The following GRID2 variants were observed in gnomAD, a reference collection of about 807,000 sequenced individuals.
The protein encoded by GRID2 is glutamate receptor ionotropic, delta-2.
Under a neutral mutation model 114.8 loss-of-function variants are expected in GRID2, and 33 were observed. The ratio of observed to expected loss-of-function variants is 0.29; its 90% CI spans 0.22 to 0.38. GRID2 has a LOEUF of 0.38. Ranked by LOEUF, GRID2 falls within the 10% of genes least tolerant of loss-of-function variation. The pLI is 1.00. For missense variants in GRID2, 1,184 were observed against 1,257.7 expected (o/e 0.94, Z 0.89); for synonymous variants, 505 against 449.9 (o/e 1.12, Z -1.55).
intron 4 of GRID2, among the ~76,000 whole-genome samples, chr4:93,128,683 G>C (rs1282816535): frequency 5.7e-5 from 8 of 140,928 alleles, no homozygotes; most frequent in African/African-American, 2.2e-4. Flanking sequence ...GGAAACCTGA[G>C]GTACAGAAAG....
At chr4:92,953,036 C>G (rs1334787936) in intron 2 of GRID2, among the ~76,000 whole-genome samples, 2 of 152,184 alleles carry the variant, frequency 1.3e-5, no homozygotes, top group African/African-American at 4.8e-5. Context: ...CCACTGTCCT[C>G]ATAAGGCATT....
chr4:93,071,008 C>G (rs1410643310), intron 2 of GRID2, among the ~76,000 whole-genome samples: 4 of 152,022 alleles, frequency 2.6e-5, no homozygotes, highest in African/African-American at 9.7e-5. Context: ...GTGTATCTTT[C>G]CTCTCATAGA....
intron 2 of GRID2, among the ~76,000 whole-genome samples, chr4:92,699,599 T>G (rs1734574547): frequency 6.6e-6 from 1 of 152,346 alleles, no homozygotes; most frequent in African/African-American, 2.4e-5. Flanking sequence ...AGTAAACTTC[T>G]CTTGTTTTGA....
At chr4:92,647,929 A>C (rs905278594) in intron 2 of GRID2, among the ~76,000 whole-genome samples, 2 of 149,564 alleles carry the variant, frequency 1.3e-5, no homozygotes, top group Admixed American at 6.6e-5. Flanking sequence ...CTCTTGTATG[A>C]TATGTTCGAT....
At position 92,868,949 on chromosome 4, in the gene GRID2, A is replaced by C. The variant is rs1048811462; in HGVS notation, c.245-216046A>C. On this transcript the variant is annotated intron_variant, in intron 2 of 15. Transcript: ENST00000282020. ...TAAATAAGGGATTTCAAATTGTTTG[A>C]TTTTCTTCTAGGTCCCTGTCTATGA... is the stretch of plus-strand genomic sequence containing the variant. 3.3e-5 allele frequency among the ~76,000 whole-genome samples: 5 copies of C among 151,998 alleles called. 1 individual carries two copies. The highest frequency in any genetic ancestry group is 1.2e-4 in the African/African-American group (5 of 41,370).
chr4:92,857,481 T>C (rs1284234812), intron 2 of GRID2, among the ~76,000 whole-genome samples: 1 of 152,126 alleles, frequency 6.6e-6, no homozygotes. Context: ...GTGGTCTGGA[T>C]AGAAGACCAA....
intron 2 of GRID2, among the ~76,000 whole-genome samples, chr4:92,696,018 A>G (rs917156311): frequency 6.6e-6 from 1 of 152,178 alleles, no homozygotes; most frequent in African/African-American, 2.4e-5. Flanking sequence ...CATATGCTTC[A>G]CTAAATAATA....
In GRID2 at chr4:92,629,552, C is replaced by T. The variant is rs568129899; in HGVS notation, c.244+39266C>T. On this transcript the variant is annotated intron_variant, in intron 2 of 15. Coordinates refer to ENST00000282020, the MANE Select transcript of GRID2 (RefSeq NM_001510.4). ...GGAAAATGGAATTGGATATAACATG[C>T]TTCTTTCTGTCAGACACAATTTCTT... Among the ~76,000 whole-genome samples, 17 of 152,152 alleles carry T rather than the reference C, an allele frequency of 1.1e-4. No individual in the cohort carries two copies. In the South Asian group the frequency reaches 2.3e-3, roughly 20 times the overall value.
chr4:93,110,831 A>G lies in GRID2; in HGVS notation c.613A>G (p.Asn205Asp). The G allele has an allele frequency of 6.2e-7, 1 of 1,611,430 alleles. No individual in the cohort carries two copies. The highest frequency in any genetic ancestry group is 8.5e-7 in the Non-Finnish European group (1 of 1,177,542). The change falls in exon 4 of 16, where the codon AAT (asparagine) becomes GAT (aspartate). Residue 205 changes from asparagine (N) to aspartate (D), a missense_variant. Physicochemically the swap from Asn to Asp is conservative, Grantham distance 23 (BLOSUM62 1). Around this residue, in one of 3 missense-constraint regions of GRID2, gnomAD observed 455 missense variants for 429.5 expected, o/e 1.06. Transcript: ENST00000282020. ...VALQKVENNI[N>D]KMITTLFDTM... ...ACTTCAGAAGGTAGAAAACAACATCAATAAAATGATTACCACTCTCTTTGA... is the reference window on the plus strand; with the variant it reads ...ACTTCAGAAGGTAGAAAACAACATCGATAAAATGATTACCACTCTCTTTGA...
intron 2 of GRID2, among the ~76,000 whole-genome samples, chr4:92,627,998 T>C (rs1336748886): frequency 2.0e-5 from 3 of 152,152 alleles, no homozygotes; most frequent in Non-Finnish European, 4.4e-5. Flanking sequence ...ATTTCCACCA[T>C]ACTAATACAG....
chr4:93,420,813 G>A lies in GRID2; in HGVS notation c.1348-1958G>A, dbSNP rs556519941. Among the ~76,000 whole-genome samples, 3 of 151,554 alleles carry A rather than the reference G, an allele frequency of 2.0e-5. No homozygotes were observed. In the East Asian group the frequency reaches 5.9e-4, roughly 30 times the overall value. On this transcript the variant is annotated intron_variant, in intron 9 of 15. Coordinates refer to ENST00000282020, the MANE Select transcript of GRID2 (RefSeq NM_001510.4). ...CTGTTGCCCAGGCTGGAGTGCAATG[G>A]TGTGATCTTGGCTCACTGCAAGCTC...
intron 1 of GRID2, among the ~76,000 whole-genome samples, chr4:92,511,494 A>G (rs1004298415): frequency 1.3e-4 from 19 of 151,902 alleles, no homozygotes; most frequent in African/African-American, 4.6e-4. Flanking sequence ...GAAAGGGGTC[A>G]CTATTAGTTA....
Position 92,445,882 on chromosome 4 carries a change from A to G in GRID2, c.88+141138A>G, listed in dbSNP as rs141208771. On this transcript the variant is annotated intron_variant, in intron 1 of 15. Transcript: ENST00000282020. ...TTCCCATGCTTTAATGTCACTGTGAACACATTTTTAATTTTTTCTAATGTT... is the reference window on the plus strand; with the variant it reads ...TTCCCATGCTTTAATGTCACTGTGAGCACATTTTTAATTTTTTCTAATGTT... Among the ~76,000 whole-genome samples, 161 of 152,334 alleles carry G rather than the reference A, an allele frequency of 1.1e-3. 2 individuals are homozygous for G. Among genetic ancestry groups the G allele is most frequent in the African/African-American group, 3.7e-3 (155 of 41,570 alleles).
intron 14 of GRID2, among the ~76,000 whole-genome samples, chr4:93,722,644 C>T (rs1314018636): frequency 6.6e-6 from 1 of 152,202 alleles, no homozygotes; most frequent in Non-Finnish European, 1.5e-5. Context: ...CCCACTTTCT[C>T]ACCACCCATA....
Position 93,430,162 on chromosome 4 carries a change from A to T in GRID2, c.1545+7194A>T, listed in dbSNP as rs375962751. Among the ~76,000 whole-genome samples, 9 of 152,144 alleles carry T rather than the reference A, an allele frequency of 5.9e-5. No individual in the cohort carries two copies. The East Asian group carries it at 1.7e-3, about 29-fold the overall frequency. The stretch of plus-strand genomic sequence containing the variant: ...AAGCATATATTTACCGGGAGGCTTT[A>T]TAAATATTTTATTTTATTATTTTAT... On this transcript the variant is annotated intron_variant, in intron 10 of 15. Coordinates refer to ENST00000282020, the MANE Select transcript of GRID2 (RefSeq NM_001510.4).
intron 2 of GRID2, among the ~76,000 whole-genome samples, chr4:92,946,492 C>T (rs1007847056): frequency 6.8e-6 from 1 of 147,424 alleles, no homozygotes; most frequent in Non-Finnish European, 1.5e-5. Flanking sequence ...ACCTTTTCTT[C>T]CCCCCCAAAA....
chr4:93,150,764 G>A (rs773780100), intron 4 of GRID2, among the ~76,000 whole-genome samples: 1 of 152,028 alleles, frequency 6.6e-6, no homozygotes, highest in Non-Finnish European at 1.5e-5. Context: ...ACCTCTGGCT[G>A]TCTCAGAAGC....
At chr4:93,230,645 CTAAT>C (rs1317640710) in intron 7 of GRID2, among the ~76,000 whole-genome samples, 1 of 151,992 alleles carries the variant, frequency 6.6e-6, no homozygotes, top group Non-Finnish European at 1.5e-5. Flanking sequence ...TGTTGCGTAG[CTAAT>C]TAGTTTTAAA....
chr4:92,512,037 T>G (rs1406324856), intron 1 of GRID2, among the ~76,000 whole-genome samples: 1 of 141,190 alleles, frequency 7.1e-6, no homozygotes, highest in Non-Finnish European at 1.6e-5. Flanking sequence ...TCCAAGACAA[T>G]GACCATTCTA....
Sources: gnomAD v4.1 joint callset for allele counts (sites outside exome capture counted in the v4.1 genomes callset) on GRCh38, gnomAD v4.1.1 for gene constraint, gnomAD v4.1.1 regional missense constraint, MANE v1.5 for transcripts, NCBI Gene and HGNC (gene_info 2026-07-23, HGNC 2026-07-21) for gene names.